Variants in PARD3B observed in about 807,000 individuals in gnomAD.
The protein encoded by PARD3B is partitioning defective 3 homolog B.
PARD3B carries 103 observed loss-of-function variants against 130.2 expected under a neutral mutation model. The ratio of observed to expected loss-of-function variants is 0.79; its 90% CI spans 0.67 to 0.93. The LOEUF (loss-of-function observed/expected upper bound fraction) is 0.93, where lower values mean the gene tolerates loss of function less well. Ranked by LOEUF, PARD3B falls within the 40% of genes least tolerant of loss-of-function variation. The probability of loss-of-function intolerance (pLI) is 0.00; values close to 1 mark genes in which losing one functional copy is unlikely to be tolerated. For missense variants in PARD3B, 1,609 were observed against 1,499.2 expected (o/e 1.07, Z -1.21); for synonymous variants, 583 against 553.2 (o/e 1.05, Z -0.76).
intron 22 of PARD3B, among the ~76,000 whole-genome samples, chr2:205,560,878 G>C (rs2106520317): frequency 6.6e-6 from 1 of 152,312 alleles, no homozygotes; most frequent in African/African-American, 2.4e-5. Context: ...TAATGAATTT[G>C]CTTTCTAAGT....
Position 205,572,162 on chromosome 2 carries a change from C to T in PARD3B, c.3260+18759C>T, listed in dbSNP as rs2053581737. 2.0e-5 allele frequency among the ~76,000 whole-genome samples: 3 copies of T among 152,146 alleles called. No homozygotes were observed. The highest frequency in any genetic ancestry group is 2.0e-4 in the Admixed American group (3 of 15,276). ...AGCCAGCACTGAGGAAGTATTCTTC[C>T]ATAAAACACAGTTCTTATCTCTAGG... On this transcript the variant is annotated intron_variant, in intron 22 of 22. Coordinates refer to ENST00000406610, the MANE Select transcript of PARD3B (RefSeq NM_001302769.2). The surrounding 1 kb of genome is among the most constrained non-coding windows in gnomAD (Gnocchi z 4.2).
At position 205,121,331 on chromosome 2, in the gene PARD3B, AT is replaced by A. The variant is rs1453324509; in HGVS notation, c.807-257del. Among the ~76,000 whole-genome samples the A allele has an allele frequency of 1.3e-5, 2 of 152,228 alleles. No homozygotes were observed. Among genetic ancestry groups the A allele is most frequent in the Non-Finnish European group, 2.9e-5 (2 of 68,034 alleles). On this transcript the variant is annotated intron_variant, in intron 7 of 22. Transcript: ENST00000406610. This position sits in a 1 kb window ranked among gnomAD's most constrained non-coding sequence, Gnocchi z 5.0. ...CTTCCATGTCCGTGAAATGAAAGCT[AT>A]TTATACTTACCGAATGTGCTTTCTA...
At chr2:205,140,270 A>G (rs1290989072) in intron 10 of PARD3B, among the ~76,000 whole-genome samples, 2 of 152,216 alleles carry the variant, frequency 1.3e-5, no homozygotes, top group Admixed American at 1.3e-4. Flanking sequence ...AAGGATGTAT[A>G]AGGCCATTCT....
rs554703031 is a variant in PARD3B at position 204,564,446 on chromosome 2, T to A, written c.120+18327T>A. ...GTAGTAGTTCTTAATTTGTTGATCC[T>A]AACACCCCTTTGCCCTCATATTTTC... is the stretch of plus-strand genomic sequence containing the variant. On this transcript the variant is annotated intron_variant, in intron 1 of 22. Transcript: ENST00000406610. 6.6e-5 allele frequency among the ~76,000 whole-genome samples: 10 copies of A among 152,270 alleles called. No individual in the cohort carries two copies. The East Asian group carries it at 1.9e-3, about 29-fold the overall frequency.
intron 1 of PARD3B, among the ~76,000 whole-genome samples, chr2:204,628,058 T>A (rs1390576773): frequency 6.6e-6 from 1 of 151,962 alleles, no homozygotes; most frequent in African/African-American, 2.4e-5. Context: ...AGACAATTCT[T>A]CTGCTTCCAG....
intron 2 of PARD3B, among the ~76,000 whole-genome samples, chr2:204,744,034 T>C (rs1473399139): frequency 6.6e-6 from 1 of 152,164 alleles, no homozygotes; most frequent in Non-Finnish European, 1.5e-5. Context: ...TGAAAAGTGA[T>C]CAAGAAGCTA....
chr2:204,823,128 T>C lies in PARD3B; in HGVS notation c.222+136846T>C, dbSNP rs914114620. Reference sequence around the variant, plus strand: ...TCTTGCAGATTTGTTATAGGACAGTTGGTTATCTTGTGCTCTTACTTTAAC... The same window carrying C: ...TCTTGCAGATTTGTTATAGGACAGTCGGTTATCTTGTGCTCTTACTTTAAC... On this transcript the variant is annotated intron_variant, in intron 2 of 22. Transcript: ENST00000406610. Among the ~76,000 whole-genome samples, 6 of 152,284 alleles carry C rather than the reference T, an allele frequency of 3.9e-5. No individual in the cohort carries two copies. In the South Asian group the frequency reaches 1.2e-3, roughly 32 times the overall value.
intron 20 of PARD3B, among the ~76,000 whole-genome samples, chr2:205,485,809 A>G (rs945890302): frequency 6.6e-6 from 1 of 152,084 alleles, no homozygotes; most frequent in Non-Finnish European, 1.5e-5. Flanking sequence ...TCCAGCTGGC[A>G]TGCCCAGCCA....
At chr2:205,498,479 G>A (rs2106337806) in intron 20 of PARD3B, among the ~76,000 whole-genome samples, 1 of 151,888 alleles carries the variant, frequency 6.6e-6, no homozygotes, top group African/African-American at 2.4e-5. Context: ...TCCAGCCTGG[G>A]CTACAGAGCA....
chr2:204,871,623 A>C (rs1435036945), intron 2 of PARD3B, among the ~76,000 whole-genome samples: 2 of 152,168 alleles, frequency 1.3e-5, no homozygotes, highest in African/African-American at 4.8e-5. Flanking sequence ...CAATTAACTA[A>C]TGAATATTCT....
intron 22 of PARD3B, among the ~76,000 whole-genome samples, chr2:205,586,306 C>T (rs771732657): frequency 6.6e-6 from 1 of 152,168 alleles, no homozygotes; most frequent in Non-Finnish European, 1.5e-5. Context: ...TTAGAGACTC[C>T]GTGACAGGCT....
chr2:204,579,675 G>A (rs1339605570), intron 1 of PARD3B, among the ~76,000 whole-genome samples: 1 of 152,198 alleles, frequency 6.6e-6, no homozygotes, highest in Non-Finnish European at 1.5e-5. Flanking sequence ...TGGAGAGTCA[G>A]GGTCAAGGCA....
chr2:205,556,408 A>G (rs566363496), intron 22 of PARD3B, among the ~76,000 whole-genome samples: 1 of 152,300 alleles, frequency 6.6e-6, no homozygotes, highest in African/African-American at 2.4e-5. Flanking sequence ...GCTCTGGTCA[A>G]GTGCTTTCAT....
At chr2:205,103,655 C>G (rs2125573460) in intron 4 of PARD3B, 1 of 938,858 alleles carries the variant, frequency 1.1e-6, no homozygotes, top group Non-Finnish European at 1.3e-6. Flanking sequence ...TATGAAGAGA[C>G]AGGTATCCAC....
chr2:204,561,485 G>T (rs1227966997), intron 1 of PARD3B, among the ~76,000 whole-genome samples: 1 of 152,110 alleles, frequency 6.6e-6, no homozygotes, highest in Admixed American at 6.5e-5. Flanking sequence ...GGAAGCCCCA[G>T]TGAGAGAACA....
intron 2 of PARD3B, among the ~76,000 whole-genome samples, chr2:204,850,305 T>C (rs2044654946): frequency 6.6e-6 from 1 of 152,278 alleles, no homozygotes; most frequent in South Asian, 2.1e-4. Flanking sequence ...TACCTCATAA[T>C]TGAATTCATT....
At chr2:204,676,839 T>A (rs919770770) in intron 1 of PARD3B, among the ~76,000 whole-genome samples, 1 of 151,872 alleles carries the variant, frequency 6.6e-6, no homozygotes, top group African/African-American at 2.4e-5. Flanking sequence ...CCAGCTAATT[T>A]TTATATTTTT....
chr2:205,265,138 G>C lies in PARD3B; in HGVS notation c.2185+19316G>C, dbSNP rs758366608. 1.6e-4 allele frequency among the ~76,000 whole-genome samples: 24 copies of C among 152,012 alleles called. No individual in the cohort carries two copies. The highest frequency in any genetic ancestry group is 3.1e-4 in the Non-Finnish European group (21 of 67,918). ...AATACTTCATTTTTTAGGCAAGAAT[G>C]GTAATCGGTTCTGTTCTATTAGCCT... is the stretch of plus-strand genomic sequence containing the variant. On this transcript the variant is annotated intron_variant, in intron 16 of 22. Transcript: ENST00000406610. This position sits in a 1 kb window ranked among gnomAD's most constrained non-coding sequence, Gnocchi z 4.3.
At chr2:205,233,051 G>C (rs1223448306) in intron 15 of PARD3B, among the ~76,000 whole-genome samples, 1 of 152,010 alleles carries the variant, frequency 6.6e-6, no homozygotes, top group African/African-American at 2.4e-5. Context: ...TCTAAGTACA[G>C]ACACAAAAAA....
Sources: gnomAD v4.1 joint callset for allele counts (sites outside exome capture counted in the v4.1 genomes callset) on GRCh38, gnomAD v4.1.1 for gene constraint, Gnocchi (gnomAD v3.1) non-coding constraint, MANE v1.5 for transcripts, NCBI Gene and HGNC (gene_info 2026-07-23, HGNC 2026-07-21) for gene names.